LINC00305: variants seen among roughly 807,000 people sequenced by gnomAD.
LINC00305 encodes the protein long independently transcribed non-coding RNA 305.
At chr18:64,137,343 A>T (rs1006340019) in intron 1 of LINC00305, among the ~76,000 whole-genome samples, 5 of 152,176 alleles carry the variant, frequency 3.3e-5, no homozygotes, top group Non-Finnish European at 7.3e-5. Context: ...GTGAGAGAAC[A>T]CATTTCTGTT....
At chr18:64,083,486 G>A (rs964302612) in intron 3 of LINC00305, among the ~76,000 whole-genome samples, 3 of 152,278 alleles carry the variant, frequency 2.0e-5, no homozygotes, top group South Asian at 2.1e-4. Flanking sequence ...TACACTGTAC[G>A]TGCTATTAAC....
At chr18:64,081,907 CA>C (rs989957891) in intron 3 of LINC00305, among the ~76,000 whole-genome samples, 1 of 152,090 alleles carries the variant, frequency 6.6e-6, no homozygotes, top group Non-Finnish European at 1.5e-5. Flanking sequence ...AACCCAAAAA[CA>C]AACAAATGAA....
intron 1 of LINC00305, among the ~76,000 whole-genome samples, chr18:64,141,154 G>A (rs577706853): frequency 6.6e-6 from 1 of 151,168 alleles, no homozygotes; most frequent in Non-Finnish European, 1.5e-5. Flanking sequence ...TTTAAGAAGC[G>A]ACTCAACTGA....
In LINC00305 at chr18:64,123,619, A is replaced by AT. The variant is rs1046534288; in HGVS notation, n.315-24980dup. On this transcript the variant is annotated intron_variant and non_coding_transcript_variant, in intron 1 of 3. Transcript: ENST00000666468. ...CCCTTTGGCTTATCCTATTTTATTT[A>AT]TTTTTTTTTAAGAATGCTCTTTCCT... Among the ~76,000 whole-genome samples the AT allele has an allele frequency of 1.4e-3, 208 of 150,982 alleles. 1 individual carries two copies. Among genetic ancestry groups the AT allele is most frequent in the African/African-American group, 4.3e-3 (177 of 41,182 alleles).
intron 1 of LINC00305, among the ~76,000 whole-genome samples, chr18:64,109,449 A>G (rs2051305683): frequency 6.6e-6 from 1 of 152,194 alleles, no homozygotes; most frequent in African/African-American, 2.4e-5. Flanking sequence ...ACTAACAACA[A>G]ATTTGTGTTT....
chr18:64,131,510 C>T (rs961096516), intron 1 of LINC00305, among the ~76,000 whole-genome samples: 3 of 152,134 alleles, frequency 2.0e-5, no homozygotes. Flanking sequence ...CCATTTATGT[C>T]AGAGGAAAGT....
chr18:64,138,264 A>G (rs1388873588), intron 1 of LINC00305, among the ~76,000 whole-genome samples: 2 of 152,020 alleles, frequency 1.3e-5, no homozygotes, highest in African/African-American at 2.4e-5. Flanking sequence ...TTTTTTCCCC[A>G]CCAAAAAGGA....
At chr18:64,127,064 G>A (rs1387459767) in intron 1 of LINC00305, among the ~76,000 whole-genome samples, 1 of 152,048 alleles carries the variant, frequency 6.6e-6, no homozygotes, top group African/African-American at 2.4e-5. Context: ...ATCAATGGAA[G>A]AGTAACCTTC....
intron 1 of LINC00305, among the ~76,000 whole-genome samples, chr18:64,138,684 A>T (rs1377081964): frequency 6.6e-6 from 1 of 151,978 alleles, no homozygotes; most frequent in Non-Finnish European, 1.5e-5. Flanking sequence ...CCTATTTTTT[A>T]TTCAGCAGCG....
At chr18:64,085,736 C>G (rs2051200830) in intron 3 of LINC00305, among the ~76,000 whole-genome samples, 1 of 152,244 alleles carries the variant, frequency 6.6e-6, no homozygotes, top group Non-Finnish European at 1.5e-5. Flanking sequence ...GCTGGGATTA[C>G]AGGCGTGAGC....
intron 3 of LINC00305, among the ~76,000 whole-genome samples, chr18:64,091,832 T>C (rs2051225871): frequency 1.3e-5 from 2 of 152,232 alleles, no homozygotes; most frequent in African/African-American, 2.4e-5. Flanking sequence ...CCAAGTCCTG[T>C]TAAGGATGTA....
At position 64,127,077 on chromosome 18, in the gene LINC00305, C is replaced by A. The variant is rs575803072; in HGVS notation, n.314+21698G>T. Among the ~76,000 whole-genome samples, 48 of 152,160 alleles carry A rather than the reference C, an allele frequency of 3.2e-4. No homozygotes were observed. In the South Asian group the frequency reaches 8.3e-3, roughly 26 times the overall value. On this transcript the variant is annotated intron_variant and non_coding_transcript_variant, in intron 1 of 3. Transcript: ENST00000666468. ...AGATCAATGGAAGAGTAACCTTCCT[C>A]CCCGCCCCCTGCCAAGTAACCAATT...
At chr18:64,107,316 A>G (rs1377212594) in intron 1 of LINC00305, among the ~76,000 whole-genome samples, 1 of 152,222 alleles carries the variant, frequency 6.6e-6, no homozygotes, top group Non-Finnish European at 1.5e-5. Context: ...AACACTGGGG[A>G]CATCTGCAGG....
At chr18:64,131,614 G>T (rs916274523) in intron 1 of LINC00305, among the ~76,000 whole-genome samples, 5 of 152,138 alleles carry the variant, frequency 3.3e-5, no homozygotes, top group African/African-American at 1.2e-4. Context: ...TCCATGAAGG[G>T]CTCAAACAGC....
chr18:64,111,165 A>G (rs1599216541), intron 1 of LINC00305, among the ~76,000 whole-genome samples: 1 of 152,160 alleles, frequency 6.6e-6, no homozygotes, highest in East Asian at 1.9e-4. Context: ...ATACTTTAAC[A>G]CTTATTTCAT....
At chr18:64,088,546 G>A (rs1405960650) in intron 3 of LINC00305, among the ~76,000 whole-genome samples, 2 of 152,230 alleles carry the variant, frequency 1.3e-5, no homozygotes, top group South Asian at 2.1e-4. Context: ...GTAAGTGGTA[G>A]AGCCAGGACT....
At chr18:64,124,099 T>C (rs1353232542) in intron 1 of LINC00305, among the ~76,000 whole-genome samples, 1 of 152,170 alleles carries the variant, frequency 6.6e-6, no homozygotes, top group Non-Finnish European at 1.5e-5. Flanking sequence ...CACTCTGTTA[T>C]AGCAACTCTA....
intron 1 of LINC00305, among the ~76,000 whole-genome samples, chr18:64,102,416 A>G (rs2051270874): frequency 6.6e-6 from 1 of 152,200 alleles, no homozygotes; most frequent in African/African-American, 2.4e-5. Context: ...TTCCAGCAAT[A>G]CGTACTCTGT....
chr18:64,122,981 G>T (rs2051368782), intron 1 of LINC00305, among the ~76,000 whole-genome samples: 1 of 151,794 alleles, frequency 6.6e-6, no homozygotes, highest in Non-Finnish European at 1.5e-5. Flanking sequence ...TTCTTGATTT[G>T]GTTCTCAGAT....
Sources: allele counts gnomAD v4.1 joint callset (sites outside exome capture counted in the v4.1 genomes callset), GRCh38; gene constraint gnomAD v4.1.1; transcripts MANE v1.5; gene names NCBI Gene and HGNC (gene_info 2026-07-23, HGNC 2026-07-21).